Variants in SMIM13 observed in about 807,000 individuals in gnomAD.
SMIM13 encodes the protein small integral membrane protein 13.
Under a neutral mutation model 5.9 loss-of-function variants are expected in SMIM13, and 3 were observed. The ratio of observed to expected loss-of-function variants is 0.51; its 90% CI spans 0.23 to 1.31. The LOEUF is 1.31. SMIM13 is among the 40% of genes most tolerant of loss of function. SMIM13 has a pLI of 0.18. For synonymous variants in SMIM13, 55 were observed against 46.0 expected (o/e 1.19, Z -0.79); for missense variants, 85 against 109.9 (o/e 0.77, Z 1.01).
Position 11,138,528 on chromosome 6 carries a change from C to T in SMIM13, c.*3926C>T, listed in dbSNP as rs959666656. The T allele has an allele frequency of 4.0e-5, 6 of 151,844 alleles. No individual in the cohort carries two copies. Among genetic ancestry groups the T allele is most frequent in the African/African-American group, 1.5e-4 (6 of 41,332 alleles). 9.4% of individuals were successfully genotyped at this position (151,844 alleles called of 1,614,324 possible). A position where few individuals can be genotyped will look rare whatever the true frequency, so the allele number is the denominator to read the frequency against. ...GATGCATTGCCATCTTGCTGCTTGACAATAGGTTTATAAATAATTAGAATT... is the reference window on the plus strand; with the variant it reads ...GATGCATTGCCATCTTGCTGCTTGATAATAGGTTTATAAATAATTAGAATT... On this transcript the variant is annotated 3_prime_UTR_variant, in exon 2 of 2. Transcript: ENST00000416247.
At chr6:11,106,421 G>C (rs575144977) in intron 1 of SMIM13, among the ~76,000 whole-genome samples, 15 of 152,336 alleles carry the variant, frequency 9.8e-5, no homozygotes, top group Admixed American at 9.1e-4. Context: ...GTGCAGGCTT[G>C]ACAAACCTGT....
intron 1 of SMIM13, chr6:11,104,077 C>T (rs887891430): frequency 9.7e-6 from 15 of 1,551,606 alleles, no homozygotes; most frequent in South Asian, 3.6e-5. Flanking sequence ...TGAAGGACTA[C>T]GGCTGCTAAA....
chr6:11,122,027 C>G (rs1261500632), intron 1 of SMIM13, among the ~76,000 whole-genome samples: 1 of 152,238 alleles, frequency 6.6e-6, no homozygotes, highest in African/African-American at 2.4e-5. Context: ...CCCATGGGCA[C>G]CCCACTGCTA....
intron 1 of SMIM13, among the ~76,000 whole-genome samples, chr6:11,116,008 C>CTTTTTTTTTT (rs35527082): frequency 3.3e-4 from 26 of 78,530 alleles, no homozygotes; most frequent in African/African-American, 1.3e-3. Flanking sequence ...CTTCCTTCCT[C>CTTTTTTTTTT]TTTTTTTTTT....
chr6:11,118,635 T>G (rs1220079201), intron 1 of SMIM13, among the ~76,000 whole-genome samples: 1 of 152,208 alleles, frequency 6.6e-6, no homozygotes, highest in Non-Finnish European at 1.5e-5. Context: ...TAGGTCATAT[T>G]GAGGTAATAG....
intron 1 of SMIM13, among the ~76,000 whole-genome samples, chr6:11,113,774 A>C (rs1758200153): frequency 6.6e-6 from 1 of 151,738 alleles, no homozygotes. Context: ...GCAGGGTTTC[A>C]CCATGTTGGC....
intron 1 of SMIM13, among the ~76,000 whole-genome samples, chr6:11,130,500 G>A (rs1410461720): frequency 6.6e-6 from 1 of 152,138 alleles, no homozygotes; most frequent in Non-Finnish European, 1.5e-5. Flanking sequence ...TTACAGCAGT[G>A]TGGAATTGGA....
At chr6:11,104,294 G>A (rs921183502) in intron 1 of SMIM13, 1 of 1,551,616 alleles carries the variant, frequency 6.4e-7, no homozygotes, top group African/African-American at 1.4e-5. Flanking sequence ...AATTCCCATA[G>A]ATTGGTATTG....
chr6:11,098,658 C>T (rs574803984), intron 1 of SMIM13, among the ~76,000 whole-genome samples: 68 of 152,302 alleles, frequency 4.5e-4, no homozygotes, highest in Non-Finnish European at 7.1e-4. Flanking sequence ...GTCTTGAACT[C>T]CTGACCTCAG....
In SMIM13 at chr6:11,137,438, T is replaced by G. The variant is rs778597241; in HGVS notation, c.*2836T>G. 2 of 152,082 alleles carry G rather than the reference T, an allele frequency of 1.3e-5. No homozygotes were observed. Among genetic ancestry groups the G allele is most frequent in the Non-Finnish European group, 2.9e-5 (2 of 67,984 alleles). The allele number at this position is 152,082 out of a possible 1,614,324, so 9.4% of individuals were successfully genotyped here. ...TTTTGTAGCTAAAACTTACTGGAAC[T>G]GCATCACAACTACATTTGCAGTCTC... On this transcript the variant is annotated 3_prime_UTR_variant, in exon 2 of 2. Coordinates refer to ENST00000416247, the MANE Select transcript of SMIM13 (RefSeq NM_001135575.2).
chr6:11,100,717 T>C, intron 1 of SMIM13, among the ~76,000 whole-genome samples: 1 of 152,308 alleles, frequency 6.6e-6, no homozygotes, highest in Non-Finnish European at 1.5e-5. Context: ...TTATACTTGA[T>C]TGATAATTTG....
intron 1 of SMIM13, among the ~76,000 whole-genome samples, chr6:11,121,814 C>G (rs371868762): frequency 6.6e-6 from 1 of 152,226 alleles, no homozygotes. Flanking sequence ...CCACTTCTGA[C>G]TATCCATTAT....
At chr6:11,122,154 G>C (rs977500648) in intron 1 of SMIM13, among the ~76,000 whole-genome samples, 14 of 151,920 alleles carry the variant, frequency 9.2e-5, no homozygotes, top group African/African-American at 3.4e-4. Flanking sequence ...ATCATTCTAG[G>C]GAGCTTAAAA....
At chr6:11,119,236 G>A (rs1449750367) in intron 1 of SMIM13, among the ~76,000 whole-genome samples, 1 of 152,224 alleles carries the variant, frequency 6.6e-6, no homozygotes, top group Non-Finnish European at 1.5e-5. Flanking sequence ...GCAGACACAT[G>A]CGCGTGCACT....
rs375808656 is a variant in SMIM13, at chr6:11,115,651, C to A, written c.77-18752C>A. ...ATAAAGGGATTAACTATCCCATTAC[C>A]TTTGCCATGTTCTTTCTTTCTTTCT... On this transcript the variant is annotated intron_variant, in intron 1 of 1. Coordinates refer to ENST00000416247, the MANE Select transcript of SMIM13 (RefSeq NM_001135575.2). Among the ~76,000 whole-genome samples the A allele has an allele frequency of 1.7e-4, 26 of 151,898 alleles. No homozygotes were observed. In the East Asian group the frequency reaches 3.9e-3, roughly 23 times the overall value.
chr6:11,117,418 G>A (rs1297132826), intron 1 of SMIM13, among the ~76,000 whole-genome samples: 2 of 150,218 alleles, frequency 1.3e-5, no homozygotes, highest in Non-Finnish European at 3.0e-5. Context: ...CTCGTGATCC[G>A]CCTGCCTTGG....
intron 1 of SMIM13, among the ~76,000 whole-genome samples, chr6:11,124,871 G>T (rs941375379): frequency 1.1e-4 from 16 of 152,062 alleles, no homozygotes; most frequent in Non-Finnish European, 1.9e-4. Context: ...GGACAGGTTT[G>T]GTGTTGACTA....
chr6:11,104,058 C>T (rs780486237), intron 1 of SMIM13: 21 of 1,551,562 alleles, frequency 1.4e-5, no homozygotes, highest in East Asian at 9.8e-5. Context: ...GTCTAGTCCT[C>T]GACGATTTTG....
At chr6:11,127,696 C>T (rs963578213) in intron 1 of SMIM13, among the ~76,000 whole-genome samples, 5 of 152,280 alleles carry the variant, frequency 3.3e-5, no homozygotes, top group Admixed American at 3.3e-4. Context: ...TTATTCACTA[C>T]CAGGAGAACA....
Sources: gnomAD v4.1 joint callset for allele counts (sites outside exome capture counted in the v4.1 genomes callset) on GRCh38, gnomAD v4.1.1 for gene constraint, MANE v1.5 for transcripts, NCBI Gene and HGNC (gene_info 2026-07-23, HGNC 2026-07-21) for gene names.